The following ZFHX3 variants were observed in gnomAD, a reference collection of about 807,000 sequenced individuals.
ZFHX3 encodes the protein zinc finger homeobox 3.
Under a neutral mutation model 279.1 loss-of-function variants are expected in ZFHX3, and 42 were observed. That is an observed-to-expected ratio of 0.15 (90% confidence interval 0.12 to 0.19). ZFHX3 has a LOEUF of 0.19. ZFHX3 is among the 10% of genes least tolerant of loss of function. ZFHX3 has a pLI of 1.00. For missense variants in ZFHX3, 4,981 were observed against 4,754.0 expected (o/e 1.05, Z -1.40); for synonymous variants, 2,293 against 1,957.8 (o/e 1.17, Z -4.52).
intron 2 of ZFHX3, among the ~76,000 whole-genome samples, chr16:73,484,287 C>T (rs1236827116): frequency 1.3e-5 from 2 of 152,188 alleles, no homozygotes; most frequent in African/African-American, 4.8e-5. Context: ...TTATCCTCCA[C>T]CTCACTCCCA....
intron 2 of ZFHX3, among the ~76,000 whole-genome samples, chr16:73,642,648 C>T (rs1011755225): frequency 6.6e-6 from 1 of 152,092 alleles, no homozygotes; most frequent in African/African-American, 2.4e-5. Context: ...TATATAAATA[C>T]CACATACCTC....
In ZFHX3 at chr16:73,375,005, C is replaced by T. The variant is rs186611014; in HGVS notation, c.-1290-56669G>A. On this transcript the variant is annotated intron_variant, in intron 3 of 17. Coordinates refer to the ZFHX3 transcript ENST00000641206. Reference sequence around the variant, plus strand: ...AATAGTTATTTATAATAATTGCTTACATCCGTTAATTCTTTAAGGTTCACA... The same window carrying T: ...AATAGTTATTTATAATAATTGCTTATATCCGTTAATTCTTTAAGGTTCACA... Among the ~76,000 whole-genome samples, 18 of 152,292 alleles carry T rather than the reference C, an allele frequency of 1.2e-4. No individual in the cohort carries two copies. In the Middle Eastern group the frequency reaches 0.014, roughly 115 times the overall value.
At chr16:73,768,729 G>T (rs1285944698) in intron 1 of ZFHX3, among the ~76,000 whole-genome samples, 2 of 152,076 alleles carry the variant, frequency 1.3e-5, no homozygotes, top group Non-Finnish European at 2.9e-5. Context: ...TTAAATTAGG[G>T]ATACCAACTA....
At position 72,797,918 on chromosome 16, in the gene ZFHX3, G is replaced by A. The variant is rs760479516; in HGVS notation, c.4764C>T (p.Thr1588=). 4.3e-6 allele frequency: 7 copies of A among 1,614,196 alleles called. No individual in the cohort carries two copies. The Middle Eastern group carries it at 4.9e-4, about 114-fold the overall frequency. ...QESATGQPEP[T]SSPDNKPFKC... ...TAAAAGGTTTGTTGTCTGGGCTGCT[G>A]GTGGGTTCTGGCTGACCGGTTGCTG... is the stretch of plus-strand genomic sequence containing the variant. The change falls in exon 9 of 10, where the codon ACC becomes ACT. Residue 1588 remains threonine, a synonymous_variant. Coordinates refer to ENST00000268489, the MANE Select transcript of ZFHX3 (RefSeq NM_006885.4).
intron 1 of ZFHX3, among the ~76,000 whole-genome samples, chr16:73,034,339 C>T (rs1397988348): frequency 6.6e-6 from 1 of 152,162 alleles, no homozygotes; most frequent in Non-Finnish European, 1.5e-5. Context: ...AAGTTTCTTG[C>T]TGGAATCGGT....
rs542590635 is a variant in ZFHX3 at position 73,836,834 on chromosome 16, C to A, written c.-1608+54817G>T. On this transcript the variant is annotated intron_variant, in intron 1 of 17. Coordinates refer to the ZFHX3 transcript ENST00000641206. ...CTAGATTAATGTCTCTCTTAGGACA[C>A]TGGGTTAGTTCTTGAGTGAGTGGAT... is the stretch of plus-strand genomic sequence containing the variant. Among the ~76,000 whole-genome samples, 3 of 152,306 alleles carry A rather than the reference C, an allele frequency of 2.0e-5. No individual in the cohort carries two copies. The South Asian group carries it at 6.2e-4, about 32-fold the overall frequency.
intron 2 of ZFHX3, among the ~76,000 whole-genome samples, chr16:73,480,269 G>A (rs1290489476): frequency 1.3e-5 from 2 of 151,816 alleles, no homozygotes; most frequent in Non-Finnish European, 2.9e-5. Context: ...TTGTCAGTGT[G>A]TTTGGTAGTA....
intron 1 of ZFHX3, among the ~76,000 whole-genome samples, chr16:73,709,815 C>T (rs868867187): frequency 2.2e-4 from 33 of 151,998 alleles, no homozygotes; most frequent in African/African-American, 7.2e-4. Flanking sequence ...TAAAATAACA[C>T]CTATGTTATT....
chr16:73,048,185 CG>C (rs989233635), upstream of ZFHX3: 111 of 152,976 alleles, frequency 7.3e-4, no homozygotes, highest in Non-Finnish European at 1.3e-3. Flanking sequence ...GCGGGCGGGG[CG>C]GGGGGCCTTC....
At chr16:73,837,874 G>A (rs762643303) in intron 1 of ZFHX3, among the ~76,000 whole-genome samples, 10 of 152,132 alleles carry the variant, frequency 6.6e-5, no homozygotes, top group Non-Finnish European at 1.5e-4. Context: ...AACCTCAGGT[G>A]ATCCACCCAC....
intron 4 of ZFHX3, among the ~76,000 whole-genome samples, chr16:72,871,876 G>A (rs1022059361): frequency 3.3e-5 from 5 of 152,270 alleles, no homozygotes; most frequent in African/African-American, 1.2e-4. Flanking sequence ...ACGAGGTCAC[G>A]AGATGAAGAC....
chr16:72,893,512 G>A (rs951036107), intron 3 of ZFHX3, among the ~76,000 whole-genome samples: 2 of 152,138 alleles, frequency 1.3e-5, no homozygotes, highest in Admixed American at 6.5e-5. Context: ...ACCCTGGATT[G>A]AAATAAACAT....
At chr16:73,787,919 G>A (rs1428105783) in intron 1 of ZFHX3, among the ~76,000 whole-genome samples, 2 of 148,334 alleles carry the variant, frequency 1.3e-5, no homozygotes, top group East Asian at 2.1e-4. Flanking sequence ...TTTTTGTATC[G>A]GTCAGGGCCC....
chr16:73,599,140 T>C (rs2052084463), intron 2 of ZFHX3, among the ~76,000 whole-genome samples: 1 of 152,216 alleles, frequency 6.6e-6, no homozygotes, highest in South Asian at 2.1e-4. Flanking sequence ...CTGTGATCTT[T>C]CAAGTTTGAT....
At chr16:73,347,791 T>C (rs1022192852) in intron 3 of ZFHX3, among the ~76,000 whole-genome samples, 1 of 152,240 alleles carries the variant, frequency 6.6e-6, no homozygotes, top group African/African-American at 2.4e-5. Context: ...CAGAGCTCCA[T>C]GGTGCAGATA....
intron 3 of ZFHX3, among the ~76,000 whole-genome samples, chr16:72,917,775 T>C (rs940129489): frequency 1.8e-4 from 27 of 152,360 alleles, no homozygotes; most frequent in African/African-American, 6.3e-4. Context: ...TTTTTGTGTG[T>C]GTGTCTCTGC....
At chr16:73,686,300 T>C (rs2053083308) in intron 1 of ZFHX3, among the ~76,000 whole-genome samples, 1 of 152,154 alleles carries the variant, frequency 6.6e-6, no homozygotes, top group Non-Finnish European at 1.5e-5. Flanking sequence ...TTCACCATAT[T>C]GTTCAGGCTG....
chr16:72,945,164 T>C (rs12599412), intron 3 of ZFHX3, among the ~76,000 whole-genome samples: 23,044 of 152,020 alleles, frequency 0.15, 2,547 homozygotes, highest in East Asian at 0.56. Context: ...TGAAGATAGG[T>C]GGGAAGCTTC....
At chr16:73,698,499 T>G (rs187991822) in intron 1 of ZFHX3, among the ~76,000 whole-genome samples, 68 of 152,266 alleles carry the variant, frequency 4.5e-4, no homozygotes, top group African/African-American at 1.6e-3. Flanking sequence ...ACCCAATAGT[T>G]ACCATCTTAA....
Sources: gnomAD v4.1 joint callset for allele counts (sites outside exome capture counted in the v4.1 genomes callset) on GRCh38, gnomAD v4.1.1 for gene constraint, MANE v1.5 for transcripts, NCBI Gene and HGNC (gene_info 2026-07-23, HGNC 2026-07-21) for gene names.